Variants in NFATC4 observed in about 807,000 individuals in gnomAD.
NFATC4 encodes nuclear factor of activated T cells 4, also known as nuclear factor of activated T-cells, cytoplasmic 4.
In NFATC4, 25 loss-of-function variants were observed where a neutral mutation model predicts 73.4. The ratio of observed to expected loss-of-function variants is 0.34; its 90% CI spans 0.25 to 0.48. NFATC4 has a LOEUF of 0.48. NFATC4 is among the 20% of genes least tolerant of loss of function. The pLI, the probability that NFATC4 is intolerant of heterozygous loss-of-function variation, is 0.99. For synonymous variants in NFATC4, 523 were observed against 510.3 expected, an observed-to-expected ratio of 1.02 and a Z score of -0.34; for missense variants, 1,130 against 1,203.7, an observed-to-expected ratio of 0.94 and a Z score of 0.91.
Position 24,376,546 on chromosome 14 carries a change from G to T in NFATC4, c.2309G>T (p.Gly770Val). Residue 770 changes from glycine to valine, a missense_variant, in exon 9 of 10, where the codon GGT becomes GTT. Transcript: ENST00000250373. This position sits in a 1 kb window ranked among gnomAD's most constrained non-coding sequence, Gnocchi z 5.0. ...CTGCGGATGTTCCCTGAGACTAGGG[G>T]TACCACAGGTTGTGCCCAACCACCT... ...PGLRMFPETR[G>V]TTGCAQPPAV... is the part of the protein sequence containing the mutation. 6.2e-7 allele frequency: 1 copy of T among 1,614,024 alleles called. No individual in the cohort carries two copies.
At position 24,370,457 on chromosome 14, in the gene NFATC4, G is replaced by A; in HGVS notation, c.1059G>A (p.Lys353=). 1.2e-6 allele frequency: 2 copies of A among 1,614,184 alleles called. No individual in the cohort carries two copies. Among genetic ancestry groups the A allele is most frequent in the Non-Finnish European group, 1.7e-6 (2 of 1,180,030 alleles). ...RSEEPASCNG[K]LPLGAEESVA... is the part of the protein sequence containing the mutation. ...AGGAGCCTGCCTCATGCAATGGGAAGCTGCCCTTGGGAGCAGAGGAGTCTG... is the reference window on the plus strand; with the variant it reads ...AGGAGCCTGCCTCATGCAATGGGAAACTGCCCTTGGGAGCAGAGGAGTCTG... The change falls in exon 2 of 10, where the codon AAG becomes AAA. Residue 353 remains lysine, a synonymous_variant. Coordinates refer to ENST00000250373, the MANE Select transcript of NFATC4 (RefSeq NM_004554.5).
At chr14:24,375,515 C>A in intron 6 of NFATC4, 145 bp from the exon 7 acceptor site, 1 of 731,586 alleles carries the variant, frequency 1.4e-6, no homozygotes, top group Non-Finnish European at 2.3e-6. Context: ...ATTAAGTTAA[C>A]ATGCAGTGGG....
At position 24,376,929 on chromosome 14, in the gene NFATC4, C is replaced by T. The variant is rs1394071522; in HGVS notation, c.2641+51C>T. On this transcript the variant is annotated intron_variant, in intron 9 of 9. Transcript: ENST00000250373. This position sits in a 1 kb window ranked among gnomAD's most constrained non-coding sequence, Gnocchi z 5.0. ...GTGTGAGTGTGTGCAAGAGATTGCT[C>T]TGCATGTTTGCTGAGGGCTGGAGCT... 1 of 1,470,048 alleles carries T rather than the reference C, an allele frequency of 6.8e-7. No homozygotes were observed. 91.1% of individuals were successfully genotyped at this position (1,470,048 alleles called of 1,614,324 possible).
At chr14:24,367,772 C>G, upstream of NFATC4, 1 of 1,380,626 alleles carries the variant, frequency 7.2e-7, no homozygotes, top group Non-Finnish European at 9.6e-7. Flanking sequence ...TTCTGCCTTG[C>G]TAGGTGCTAT....
chr14:24,376,266 C>T lies in NFATC4; in HGVS notation c.2057-28C>T, dbSNP rs373618584. The T allele has an allele frequency of 1.9e-5, 29 of 1,557,304 alleles. No homozygotes were observed. The African/African-American group carries it at 3.5e-4, about 19-fold the overall frequency. On this transcript the variant is annotated intron_variant, in intron 8 of 9. Transcript: ENST00000250373. This position sits in a 1 kb window ranked among gnomAD's most constrained non-coding sequence, Gnocchi z 5.0. ...GGGAGACTACCAGACCTCTCACCAG[C>T]ATGTCCTCCCACTTCCTGTCTTCCC...
intron 7 of NFATC4, 40 bp from the exon 8 acceptor site, chr14:24,375,935 A>C: frequency 6.2e-7 from 1 of 1,612,962 alleles, no homozygotes; most frequent in Non-Finnish European, 8.5e-7. Flanking sequence ...CTAAGCCCAG[A>C]TGCCCGAGGG....
upstream of NFATC4, chr14:24,367,220 A>T: frequency 1.3e-6 from 2 of 1,587,356 alleles, no homozygotes; most frequent in Non-Finnish European, 1.7e-6. Flanking sequence ...CCCAGGTGAC[A>T]GGTGTCCAGC....
In NFATC4 at chr14:24,369,699, G is replaced by T. The variant is rs757631477; in HGVS notation, c.301G>T (p.Gly101Cys). ...RSVRLGGPGG[G>C]AGGAGGGRVL... is the part of the protein sequence containing the mutation. ...GGTGAGGCTGGGAGGACCAGGAGGGGGTGCTGGGGGTGCTGGGGGTGGCCG... is the reference window on the plus strand; with the variant it reads ...GGTGAGGCTGGGAGGACCAGGAGGGTGTGCTGGGGGTGCTGGGGGTGGCCG... The change falls in exon 2 of 10, where the codon GGT (glycine) becomes TGT (cysteine). Residue 101 changes from glycine (G) to cysteine (C), a missense_variant. Coordinates refer to ENST00000250373, the MANE Select transcript of NFATC4 (RefSeq NM_004554.5). 1.9e-6 allele frequency: 3 copies of T among 1,609,024 alleles called. No homozygotes were observed. In the African/African-American group the frequency reaches 4.0e-5, roughly 22 times the overall value.
chr14:24,377,740 C>A lies in NFATC4; in HGVS notation c.*35C>A, dbSNP rs763813095. The A allele has an allele frequency of 3.7e-6, 6 of 1,614,056 alleles. No homozygotes were observed. The African/African-American group carries it at 4.0e-5, about 11-fold the overall frequency. ...ACTGTCATCACCTGGCAACCCCAGC[C>A]CCAGCCTCAGCCCTGCCCCCTTTCC... On this transcript the variant is annotated 3_prime_UTR_variant, in exon 10 of 10. Transcript: ENST00000250373. This position sits in a 1 kb window ranked among gnomAD's most constrained non-coding sequence, Gnocchi z 4.2.
chr14:24,368,759 G>A (rs938162295), intron 1 of NFATC4, among the ~76,000 whole-genome samples: 3 of 151,988 alleles, frequency 2.0e-5, no homozygotes, highest in East Asian at 3.9e-4. Flanking sequence ...GGGAAGGGGA[G>A]GTTTGGCGCT....
chr14:24,372,490 C>T lies in NFATC4; in HGVS notation c.1246C>T (p.Gln416Ter), dbSNP rs749039103. 1 of 1,613,906 alleles carries T rather than the reference C, an allele frequency of 6.2e-7. No individual in the cohort carries two copies. The highest frequency in any genetic ancestry group is 1.3e-5 in the African/African-American group (1 of 74,900). ...CTGGCCTCTGCCCAGCCAATATGAG[C>T]AGCTGGAGCTGAGGATCGAGGTACA... ...LDWPLPSQYEQLELRIEVQPR... is the reference protein window; with the variant it reads ...LDWPLPSQYE Residue 416 changes from glutamine (Q) to a stop codon, truncating the protein, a stop_gained, in exon 3 of 10, where the codon CAG becomes TAG. Transcript: ENST00000250373. LOFTEE classifies it high-confidence loss of function.
chr14:24,368,407 G>GCC lies in NFATC4; in HGVS notation c.73_74dup (p.Leu26ArgfsTer69). 7.4e-7 allele frequency: 1 copy of GCC among 1,349,624 alleles called. No individual in the cohort carries two copies. 83.6% of individuals were successfully genotyped at this position (1,349,624 alleles called of 1,614,324 possible). ...GCTGGTGTTCGGGGAGGAAAAGGAG[G>GCC]CCCCCCCGCTGGGCGCGGGGGGATT... On this transcript the variant is annotated frameshift_variant, in exon 1 of 10. Transcript: ENST00000250373. LOFTEE classifies it high-confidence loss of function.
chr14:24,377,069 G>T lies in NFATC4; in HGVS notation c.2641+191G>T. The stretch of plus-strand genomic sequence containing the variant: ...TCCAATTAACTGAATTCTGAAGAGT[G>T]CATGGGGTAACTGTCTCAGCCTTTC... On this transcript the variant is annotated intron_variant, in intron 9 of 9. Coordinates refer to ENST00000250373, the MANE Select transcript of NFATC4 (RefSeq NM_004554.5). The surrounding 1 kb of genome is among the most constrained non-coding windows in gnomAD (Gnocchi z 4.2). The T allele has an allele frequency of 7.3e-7, 1 of 1,363,536 alleles. No homozygotes were observed. The highest frequency in any genetic ancestry group is 2.7e-5 in the East Asian group (1 of 36,692). The allele number at this position is 1,363,536 out of a possible 1,614,324, so 84.5% of individuals were successfully genotyped here. A position where few individuals can be genotyped will look rare whatever the true frequency, so the allele number is the denominator to read the frequency against.
chr14:24,377,205 C>T lies in NFATC4; in HGVS notation c.2641+327C>T. 1 of 1,269,212 alleles carries T rather than the reference C, an allele frequency of 7.9e-7. No individual in the cohort carries two copies. Among genetic ancestry groups the T allele is most frequent in the Non-Finnish European group, 9.9e-7 (1 of 1,009,886 alleles). The allele number at this position is 1,269,212 out of a possible 1,614,324, so 78.6% of individuals were successfully genotyped here. On this transcript the variant is annotated intron_variant, in intron 9 of 9. Coordinates refer to ENST00000250373, the MANE Select transcript of NFATC4 (RefSeq NM_004554.5). This position sits in a 1 kb window ranked among gnomAD's most constrained non-coding sequence, Gnocchi z 4.2. The stretch of plus-strand genomic sequence containing the variant: ...AATTTGCAAGTTTAGGCGTTGAGTT[C>T]CAGAGAGGGATGGTAGCTTGCTGAG...
At position 24,375,713 on chromosome 14, in the gene NFATC4, G is replaced by C. The variant is rs1473127248; in HGVS notation, c.1927G>C (p.Glu643Gln). ...CACAGTGAACCGACTGCAGAGCAAC[G>C]AGGTACCAGTGTCACTTGGATACCT... Reference protein sequence around the residue: ...EATVNRLQSNEVTLTLTVPEY... With the variant: ...EATVNRLQSNQVTLTLTVPEY... The change falls in exon 7 of 10, where the codon GAG (glutamate) becomes CAG (glutamine). Residue 643 changes from glutamate (E) to glutamine (Q), a missense_variant and splice_region_variant. Physicochemically the swap from Glu to Gln is conservative, Grantham distance 29. This residue lies in a region of NFATC4 where 390 missense variants were observed against 408.1 expected (regional missense o/e 0.96). Transcript: ENST00000250373. 3 of 1,476,150 alleles carry C rather than the reference G, an allele frequency of 2.0e-6. No individual in the cohort carries two copies. The highest frequency in any genetic ancestry group is 2.8e-6 in the Non-Finnish European group (3 of 1,080,342). 91.4% of individuals were successfully genotyped at this position (1,476,150 alleles called of 1,614,324 possible).
Position 24,370,355 on chromosome 14 carries a change from G to T in NFATC4, c.957G>T (p.Gly319=), listed in dbSNP as rs760319993. Residue 319 remains glycine, a synonymous_variant, in exon 2 of 10, where the codon GGG becomes GGT. Transcript: ENST00000250373. ...PGSPGPFDYV[G]APPAESIPQK... Reference sequence around the variant, plus strand: ...CCCCTGGTCCCTTTGACTATGTGGGGGCCCCACCAGCTGAGAGCATCCCTC... The same window carrying T: ...CCCCTGGTCCCTTTGACTATGTGGGTGCCCCACCAGCTGAGAGCATCCCTC... 3 of 1,613,618 alleles carry T rather than the reference G, an allele frequency of 1.9e-6. No homozygotes were observed. The East Asian group carries it at 6.7e-5, about 36-fold the overall frequency.
intron 7 of NFATC4, 44 bp downstream of exon 7, chr14:24,375,759 G>GCCCCCCC: frequency 1.6e-5 from 10 of 616,984 alleles, no homozygotes; most frequent in Non-Finnish European, 3.0e-5. Context: ...GGGGGTGGGA[G>GCCCCCCC]AAGGCAGGGG....
rs1446127067 is a variant in NFATC4, at chr14:24,373,251, C to A, written c.1440C>A (p.Ala480=). 1.9e-6 allele frequency: 3 copies of A among 1,614,100 alleles called. No individual in the cohort carries two copies. The highest frequency in any genetic ancestry group is 2.5e-6 in the Non-Finnish European group (3 of 1,180,062). The part of the protein sequence containing the change: ...TADERNLRPH[A]FYQVHRITGK... ...ATGAAAGGAACCTGCGGCCTCATGC[C>A]TTCTATCAGGTGCACCGTATCACAG... is the stretch of plus-strand genomic sequence containing the variant. Residue 480 remains alanine, a synonymous_variant, in exon 4 of 10, where the codon GCC becomes GCA. Transcript: ENST00000250373. The surrounding 1 kb of genome is among the most constrained non-coding windows in gnomAD (Gnocchi z 4.7).
At chr14:24,372,763 C>A (rs2042507146) in intron 3 of NFATC4, 160 bp downstream of exon 3, 4 of 825,646 alleles carry the variant, frequency 4.8e-6, no homozygotes, top group Non-Finnish European at 3.9e-6. Flanking sequence ...GGTGCAAGGA[C>A]CCGGATATAC....
Sources: allele counts gnomAD v4.1 joint callset (sites outside exome capture counted in the v4.1 genomes callset), GRCh38; gene constraint gnomAD v4.1.1; regional missense constraint gnomAD v4.1.1; non-coding constraint Gnocchi (gnomAD v3.1); transcripts MANE v1.5; gene names NCBI Gene and HGNC (gene_info 2026-07-23, HGNC 2026-07-21).